ADCY8: variants seen among roughly 807,000 people sequenced by gnomAD.
ADCY8 encodes the protein adenylate cyclase type 8.
Under a neutral mutation model 119.7 loss-of-function variants are expected in ADCY8, and 51 were observed. The observed-to-expected ratio is 0.43, with a 90% CI of 0.34 to 0.54. The LOEUF is 0.54. Among genes scored for constraint, ADCY8 ranks in the 20% least tolerant of loss-of-function variants. ADCY8 has a pLI of 0.03. For missense variants in ADCY8, 1,383 were observed against 1,598.8 expected, an observed-to-expected ratio of 0.87 and a Z score of 2.30; for synonymous variants, 665 against 651.0, an observed-to-expected ratio of 1.02 and a Z score of -0.33.
intron 4 of ADCY8, among the ~76,000 whole-genome samples, chr8:130,937,830 T>G (rs1820834758): frequency 6.6e-6 from 1 of 152,204 alleles, no homozygotes; most frequent in Admixed American, 6.5e-5. Flanking sequence ...CAAAGATGAC[T>G]AATAATAGCT....
intron 9 of ADCY8, among the ~76,000 whole-genome samples, chr8:130,861,586 G>A (rs1307449381): frequency 6.6e-6 from 1 of 152,072 alleles, no homozygotes; most frequent in Non-Finnish European, 1.5e-5. Flanking sequence ...TGGGTCCTTT[G>A]GGATTTTCTG....
intron 9 of ADCY8, among the ~76,000 whole-genome samples, chr8:130,861,892 G>A (rs1306208178): frequency 6.6e-6 from 1 of 151,920 alleles, no homozygotes; most frequent in African/African-American, 2.4e-5. Flanking sequence ...ATAAATGGAC[G>A]TTGAAGTTTA....
At chr8:130,782,302 C>T (rs1185441193) in intron 17 of ADCY8, among the ~76,000 whole-genome samples, 2 of 152,162 alleles carry the variant, frequency 1.3e-5, no homozygotes, top group African/African-American at 4.8e-5. Flanking sequence ...AGAACTTTGA[C>T]AGCCAATATC....
chr8:130,797,165 G>C (rs1418901271), intron 15 of ADCY8, among the ~76,000 whole-genome samples: 1 of 152,168 alleles, frequency 6.6e-6, no homozygotes, highest in Non-Finnish European at 1.5e-5. Flanking sequence ...ATGTGGCCCA[G>C]GACGTCTTTG....
chr8:131,030,909 C>T (rs977500138), intron 1 of ADCY8, among the ~76,000 whole-genome samples: 15 of 152,204 alleles, frequency 9.9e-5, no homozygotes, highest in African/African-American at 3.6e-4. Flanking sequence ...CAAAGGGGCA[C>T]AAATTCAGTT....
intron 2 of ADCY8, among the ~76,000 whole-genome samples, chr8:130,961,775 G>C: frequency 6.6e-6 from 1 of 152,146 alleles, no homozygotes; most frequent in South Asian, 2.1e-4. Context: ...AATATTTCTC[G>C]AGCAAACTTG....
At chr8:131,028,242 A>G (rs1010517914) in intron 1 of ADCY8, among the ~76,000 whole-genome samples, 1 of 152,258 alleles carries the variant, frequency 6.6e-6, no homozygotes, top group African/African-American at 2.4e-5. Flanking sequence ...TTTCAAAAAT[A>G]TCTTTCATTG....
rs747304165 is a variant in ADCY8 at position 130,843,667 on chromosome 8, TC to T, written c.2502+3756del. Among the ~76,000 whole-genome samples the T allele has an allele frequency of 6.6e-5, 10 of 152,312 alleles. 1 individual carries two copies. In the East Asian group the frequency reaches 1.5e-3, roughly 23 times the overall value. On this transcript the variant is annotated intron_variant, in intron 11 of 17. Coordinates refer to ENST00000286355, the MANE Select transcript of ADCY8 (RefSeq NM_001115.3). ...TTTCAGATGGAAAGGTAAATCTTGT[TC>T]CTGTTAGTCTATTGGAAGAATGCTT...
At chr8:130,820,495 G>A (rs1311989667) in intron 13 of ADCY8, among the ~76,000 whole-genome samples, 4 of 152,208 alleles carry the variant, frequency 2.6e-5, no homozygotes, top group Non-Finnish European at 4.4e-5. Context: ...CTCCCCAAGC[G>A]ACGAACGTTC....
rs577322413 is a variant in ADCY8 at position 130,900,293 on chromosome 8, G to T, written c.1911+3479C>A. ...CCAAGGGAGTATGGTCAGGCAGACA[G>T]AAACTGGAAGACTCACATAAGGGGC... is the stretch of plus-strand genomic sequence containing the variant. On this transcript the variant is annotated intron_variant, in intron 7 of 17. Coordinates refer to ENST00000286355, the MANE Select transcript of ADCY8 (RefSeq NM_001115.3). 2.0e-5 allele frequency among the ~76,000 whole-genome samples: 3 copies of T among 152,334 alleles called. No individual in the cohort carries two copies. The South Asian group carries it at 6.2e-4, about 32-fold the overall frequency.
chr8:130,881,143 C>T (rs372139459), intron 8 of ADCY8, among the ~76,000 whole-genome samples: 15 of 152,262 alleles, frequency 9.9e-5, no homozygotes, highest in South Asian at 2.1e-4. Context: ...CCATGCCTTT[C>T]GGCTCTTAGA....
intron 9 of ADCY8, among the ~76,000 whole-genome samples, chr8:130,866,064 T>A (rs1023837881): frequency 1.3e-5 from 2 of 152,164 alleles, no homozygotes; most frequent in Non-Finnish European, 2.9e-5. Flanking sequence ...GGTACTGATA[T>A]CACACAGATT....
At chr8:130,810,952 G>GT (rs201061606) in intron 14 of ADCY8, among the ~76,000 whole-genome samples, 80 of 150,898 alleles carry the variant, frequency 5.3e-4, no homozygotes, top group Middle Eastern at 3.4e-3. Flanking sequence ...TTAAAAAGCT[G>GT]TTTTTTTTTC....
At chr8:130,903,685 T>TGAATCA in intron 7 of ADCY8, 87 bp downstream of exon 7, 3 of 1,442,884 alleles carry the variant, frequency 2.1e-6, no homozygotes, top group Non-Finnish European at 2.8e-6. Flanking sequence ...AGGTTAAAGA[T>TGAATCA]GAATCAGTTT....
At chr8:130,855,634 C>T (rs1375896683) in intron 9 of ADCY8, among the ~76,000 whole-genome samples, 2 of 151,390 alleles carry the variant, frequency 1.3e-5, no homozygotes, top group African/African-American at 4.9e-5. Context: ...AAGTGTGAGG[C>T]TCGCTTCTCG....
At chr8:130,963,160 A>T in intron 2 of ADCY8, among the ~76,000 whole-genome samples, 1 of 138,582 alleles carries the variant, frequency 7.2e-6, no homozygotes. Context: ...TCACCCATTT[A>T]ATCATTTACT....
intron 5 of ADCY8, among the ~76,000 whole-genome samples, chr8:130,922,278 A>G (rs921861891): frequency 6.7e-6 from 1 of 148,828 alleles, no homozygotes; most frequent in African/African-American, 2.5e-5. Context: ...GCAGGGTCAC[A>G]GGACAATAGT....
At chr8:130,848,726 C>T (rs1404567204) in intron 10 of ADCY8, among the ~76,000 whole-genome samples, 1 of 152,144 alleles carries the variant, frequency 6.6e-6, no homozygotes, top group Non-Finnish European at 1.5e-5. Flanking sequence ...AGACCTGGAA[C>T]CAAACAAATC....
chr8:130,989,661 C>A (rs1822514431), intron 2 of ADCY8, among the ~76,000 whole-genome samples: 1 of 152,094 alleles, frequency 6.6e-6, no homozygotes, highest in Non-Finnish European at 1.5e-5. Flanking sequence ...GTGTTCAGAA[C>A]AAAGGTATTC....
Sources: allele counts gnomAD v4.1 joint callset (sites outside exome capture counted in the v4.1 genomes callset), GRCh38; gene constraint gnomAD v4.1.1; transcripts MANE v1.5; gene names NCBI Gene and HGNC (gene_info 2026-07-23, HGNC 2026-07-21).